The following RP1 variants were observed in gnomAD, a reference collection of about 807,000 sequenced individuals.
The protein encoded by RP1 is oxygen-regulated protein 1.
RP1 carries 16 observed loss-of-function variants against 14.8 expected under a neutral mutation model. The observed-to-expected ratio is 1.08, with a 90% CI of 0.73 to 1.65. RP1 has a LOEUF of 1.65. RP1 is among the 40% of genes most tolerant of loss of function. RP1 has a pLI of 0.00. For missense variants in RP1, 2,631 were observed against 2,535.0 expected (o/e 1.04, Z -0.81); for synonymous variants, 876 against 883.6 (o/e 0.99, Z 0.15).
chr8:54,790,125 G>A (rs539894037), intron 24 of RP1, among the ~76,000 whole-genome samples: 19 of 152,282 alleles, frequency 1.2e-4, no homozygotes, highest in African/African-American at 4.1e-4. Context: ...CCCAGCCAGT[G>A]GCTCCATCTT....
intron 24 of RP1, among the ~76,000 whole-genome samples, chr8:54,812,762 CATCTATCT>C (rs58007600): frequency 0.018 from 2,569 of 145,264 alleles, 45 homozygotes; most frequent in South Asian, 0.06. Context: ...ATCTATCTAT[CATCTATCT>C]ATCTATCTAT....
chr8:54,629,889 A>G lies in RP1; in HGVS notation c.6007A>G (p.Lys2003Glu). Residue 2003 changes from lysine to glutamate, a missense_variant, in exon 4 of 4, where the codon AAA (lysine) becomes GAA (glutamate). Lys to Glu is a moderately conservative substitution (Grantham distance 56). Transcript: ENST00000220676. Reference sequence around the variant, plus strand: ...CAGTAACACATTTGACTTGATGGGTAAAAGAAGAAAACAAAAAAGAATTAA... The same window carrying G: ...CAGTAACACATTTGACTTGATGGGTGAAAGAAGAAAACAAAAAAGAATTAA... ...YFSNTFDLMG[K>E]RRKQKRINFL... is the part of the protein sequence containing the mutation. 6.2e-7 allele frequency: 1 copy of G among 1,613,924 alleles called. No homozygotes were observed. The highest frequency in any genetic ancestry group is 8.5e-7 in the Non-Finnish European group (1 of 1,179,930).
At chr8:54,716,350 A>G (rs990761415) in intron 15 of RP1, among the ~76,000 whole-genome samples, 2 of 152,030 alleles carry the variant, frequency 1.3e-5, no homozygotes, top group African/African-American at 2.4e-5. Flanking sequence ...TAATTTTTTT[A>G]AATTATTTAT....
At chr8:54,780,994 G>C (rs899368672) in intron 23 of RP1, 66 of 978,776 alleles carry the variant, frequency 6.7e-5, no homozygotes, top group Non-Finnish European at 7.6e-5. Flanking sequence ...AATTTATTAA[G>C]GAATATTTGG....
intron 1 of RP1, among the ~76,000 whole-genome samples, chr8:54,596,071 T>C (rs979237687): frequency 1.3e-5 from 2 of 152,212 alleles, no homozygotes; most frequent in African/African-American, 2.4e-5. Flanking sequence ...GCTTAGAAAA[T>C]TCTTGGGATA....
At chr8:54,643,906 T>A (rs934443757) in intron 3 of RP1, among the ~76,000 whole-genome samples, 1 of 152,144 alleles carries the variant, frequency 6.6e-6, no homozygotes, top group African/African-American at 2.4e-5. Flanking sequence ...ATAATTCACA[T>A]CCTTAAGTGC....
chr8:54,656,665 T>G (rs1806760952), intron 6 of RP1, among the ~76,000 whole-genome samples: 1 of 151,310 alleles, frequency 6.6e-6, no homozygotes, highest in Non-Finnish European at 1.5e-5. Flanking sequence ...GTTCAAGCCT[T>G]GTGTAAATTT....
chr8:54,629,535 G>A lies in RP1; in HGVS notation c.5653G>A (p.Ala1885Thr). 6.2e-7 allele frequency: 1 copy of A among 1,614,012 alleles called. No homozygotes were observed. Among genetic ancestry groups the A allele is most frequent in the South Asian group, 1.1e-5 (1 of 91,054 alleles). The change falls in exon 4 of 4, where the codon GCT becomes ACT. Residue 1885 changes from alanine (A) to threonine (T), a missense_variant. Coordinates refer to ENST00000220676, the MANE Select transcript of RP1 (RefSeq NM_006269.2). The part of the protein sequence containing the change: ...GNKVYPVSDD[A>T]IKNQPLPGSN... Reference sequence around the variant, plus strand: ...CAAAGTCTACCCTGTCTCTGATGATGCTATTAAAAACCAACCATTGCCTGG... The same window carrying A: ...CAAAGTCTACCCTGTCTCTGATGATACTATTAAAAACCAACCATTGCCTGG...
chr8:54,604,616 C>G (rs1805381140), intron 1 of RP1, among the ~76,000 whole-genome samples: 2 of 152,148 alleles, frequency 1.3e-5, no homozygotes, highest in African/African-American at 4.8e-5. Flanking sequence ...AGGAATGATA[C>G]CAGATCCTCC....
In RP1 at chr8:54,627,887, T is replaced by C; in HGVS notation, c.4005T>C (p.Pro1335=). The C allele has an allele frequency of 1.4e-5, 23 of 1,614,182 alleles. No individual in the cohort carries two copies. Among genetic ancestry groups the C allele is most frequent in the Non-Finnish European group, 1.9e-5 (23 of 1,179,982 alleles). The change falls in exon 4 of 4, where the codon CCT becomes CCC. Residue 1335 remains proline (P), a synonymous_variant. Transcript: ENST00000220676. ...GCCCAATTGATGAGACCTACGTTCC[T>C]GTCAATGTCTGCAATACCATTGACT... is the stretch of plus-strand genomic sequence containing the variant. ...GACPIDETYV[P]VNVCNTIDFL...
At chr8:54,658,884 G>GTTTTTTTT (rs34788930) in intron 6 of RP1, among the ~76,000 whole-genome samples, 1 of 145,644 alleles carries the variant, frequency 6.9e-6, no homozygotes. Context: ...CCCAACACTT[G>GTTTTTTTT]TTTTTTTTTT....
intron 25 of RP1, among the ~76,000 whole-genome samples, chr8:54,846,918 C>A (rs915378923): frequency 6.6e-6 from 1 of 152,182 alleles, no homozygotes; most frequent in Non-Finnish European, 1.5e-5. Context: ...GCCACCCTAG[C>A]TAGAAAAATG....
intron 16 of RP1, among the ~76,000 whole-genome samples, chr8:54,723,776 T>C (rs1293070583): frequency 6.6e-6 from 1 of 152,228 alleles, no homozygotes; most frequent in Admixed American, 6.5e-5. Context: ...CAATATAACA[T>C]GTAACTTTTT....
chr8:54,689,278 T>A (rs1414695633), intron 12 of RP1, among the ~76,000 whole-genome samples: 1 of 152,174 alleles, frequency 6.6e-6, no homozygotes, highest in Non-Finnish European at 1.5e-5. Flanking sequence ...ATTGACTTCC[T>A]CTTTTCCTAA....
intron 19 of RP1, among the ~76,000 whole-genome samples, chr8:54,752,620 T>G (rs1289760531): frequency 6.6e-6 from 1 of 152,234 alleles, no homozygotes; most frequent in East Asian, 1.9e-4. Context: ...CAGCTCAGGG[T>G]GCAAGGCGGG....
At chr8:54,736,827 C>T (rs1198632074) in intron 18 of RP1, among the ~76,000 whole-genome samples, 1 of 152,128 alleles carries the variant, frequency 6.6e-6, no homozygotes, top group Admixed American at 6.6e-5. Flanking sequence ...TGCATTTTAA[C>T]CAGATCCCCA....
At chr8:54,633,496 C>T (rs1806287658), downstream of RP1, among the ~76,000 whole-genome samples, 1 of 152,164 alleles carries the variant, frequency 6.6e-6, no homozygotes, top group Admixed American at 6.5e-5. Flanking sequence ...ATTTGTGGCA[C>T]TCATTAAAGT....
At chr8:54,814,222 T>A (rs1447872666) in intron 24 of RP1, among the ~76,000 whole-genome samples, 1 of 152,202 alleles carries the variant, frequency 6.6e-6, no homozygotes, top group African/African-American at 2.4e-5. Context: ...TTCTTAGATA[T>A]GTTAGGCGCA....
intron 24 of RP1, among the ~76,000 whole-genome samples, chr8:54,787,636 T>TTA (rs1462367669): frequency 6.6e-6 from 1 of 152,186 alleles, no homozygotes; most frequent in Non-Finnish European, 1.5e-5. Flanking sequence ...TGGGAAAAAG[T>TTA]TAGTGCTTAT....
Sources: allele counts gnomAD v4.1 joint callset (sites outside exome capture counted in the v4.1 genomes callset), GRCh38; gene constraint gnomAD v4.1.1; transcripts MANE v1.5; gene names NCBI Gene and HGNC (gene_info 2026-07-23, HGNC 2026-07-21).